Variants in FHIT observed in about 807,000 individuals in gnomAD.
The protein encoded by FHIT is fragile histidine triad diadenosine triphosphatase.
Under a neutral mutation model 17.9 loss-of-function variants are expected in FHIT, and 19 were observed. That is an observed-to-expected ratio of 1.06 (90% CI 0.74 to 1.56). FHIT has a LOEUF of 1.56. FHIT is among the 40% of genes most tolerant of loss of function. The pLI, the probability that FHIT is intolerant of heterozygous loss-of-function variation, is 0.00. For synonymous variants in FHIT, 81 were observed against 69.7 expected (o/e 1.16, Z -0.81); for missense variants, 248 against 189.2 (o/e 1.31, Z -1.82).
intron 5 of FHIT, among the ~76,000 whole-genome samples, chr3:60,178,192 CT>C (rs1156554893): frequency 6.6e-6 from 1 of 152,152 alleles, no homozygotes; most frequent in Non-Finnish European, 1.5e-5. Context: ...TCCCCATGGG[CT>C]TCTTCAGTGC....
intron 3 of FHIT, among the ~76,000 whole-genome samples, chr3:61,038,280 G>A (rs981826648): frequency 2.6e-5 from 4 of 152,094 alleles, no homozygotes; most frequent in East Asian, 1.9e-4. Context: ...AAACATTTAC[G>A]TTAAATCAAA....
intron 1 of FHIT, among the ~76,000 whole-genome samples, chr3:61,220,495 T>C (rs1404261029): frequency 1.3e-5 from 2 of 152,208 alleles, no homozygotes; most frequent in Non-Finnish European, 2.9e-5. Context: ...ATTTTCAGAA[T>C]TTCTGAAACT....
At chr3:60,230,774 G>T (rs1016875119) in intron 5 of FHIT, among the ~76,000 whole-genome samples, 5 of 152,198 alleles carry the variant, frequency 3.3e-5, no homozygotes, top group Non-Finnish European at 7.3e-5. Context: ...GCAGTGGCAT[G>T]ATCTTGGCTG....
At chr3:60,531,217 G>C (rs1243691519) in intron 5 of FHIT, among the ~76,000 whole-genome samples, 3 of 149,934 alleles carry the variant, frequency 2.0e-5, no homozygotes, top group African/African-American at 4.9e-5. Flanking sequence ...TAGCTATAAA[G>C]ATATTAAAAT....
intron 3 of FHIT, among the ~76,000 whole-genome samples, chr3:60,943,828 T>C (rs1303949332): frequency 2.6e-5 from 4 of 152,180 alleles, no homozygotes; most frequent in Non-Finnish European, 5.9e-5. Context: ...CTTATATATA[T>C]AACACAGAAA....
chr3:59,800,005 C>A (rs1028599500), intron 8 of FHIT, among the ~76,000 whole-genome samples: 1 of 152,160 alleles, frequency 6.6e-6, no homozygotes, highest in African/African-American at 2.4e-5. Context: ...TCGACAAGAG[C>A]AGCAGAGGTT....
chr3:60,083,435 C>T (rs543964359), intron 5 of FHIT, among the ~76,000 whole-genome samples: 2 of 152,196 alleles, frequency 1.3e-5, no homozygotes, highest in South Asian at 2.1e-4. Context: ...TTTGGCTACT[C>T]GGGCTCCTTT....
intron 8 of FHIT, among the ~76,000 whole-genome samples, chr3:59,825,191 T>A (rs1700932946): frequency 6.6e-6 from 1 of 152,254 alleles, no homozygotes; most frequent in Non-Finnish European, 1.5e-5. Context: ...ATAATGCTGC[T>A]GTCTTATTGC....
intron 5 of FHIT, among the ~76,000 whole-genome samples, chr3:60,173,073 C>G (rs1272424177): frequency 1.3e-5 from 2 of 152,116 alleles, no homozygotes; most frequent in East Asian, 3.9e-4. Flanking sequence ...ATTACAGCAG[C>G]TGAAATTTGC....
At chr3:60,258,710 A>G (rs557840883) in intron 5 of FHIT, among the ~76,000 whole-genome samples, 1 of 152,286 alleles carries the variant, frequency 6.6e-6, no homozygotes, top group South Asian at 2.1e-4. Context: ...TTCATAGGAA[A>G]ATGAAACCCT....
At chr3:60,709,037 A>G (rs898569764) in intron 4 of FHIT, among the ~76,000 whole-genome samples, 9 of 152,218 alleles carry the variant, frequency 5.9e-5, no homozygotes, top group Non-Finnish European at 2.9e-5. Flanking sequence ...CTAGGTCAGC[A>G]GTTCTCAAAC....
chr3:59,995,314 C>A (rs1268344360), intron 7 of FHIT, among the ~76,000 whole-genome samples: 1 of 152,044 alleles, frequency 6.6e-6, no homozygotes, highest in African/African-American at 2.4e-5. Context: ...ATTCAACTTT[C>A]TTAACTCTAA....
At chr3:59,872,264 A>G (rs1337752396) in intron 8 of FHIT, among the ~76,000 whole-genome samples, 2 of 152,160 alleles carry the variant, frequency 1.3e-5, no homozygotes, top group Admixed American at 6.5e-5. Context: ...ATTAGCAGAT[A>G]AAAGGTGCTG....
chr3:60,598,156 T>C (rs2038330259), intron 4 of FHIT, among the ~76,000 whole-genome samples: 3 of 152,116 alleles, frequency 2.0e-5, no homozygotes, highest in South Asian at 4.1e-4. Context: ...GGAGAGCACA[T>C]AGGCAACTTA....
At chr3:61,085,486 C>T (rs994820131) in intron 2 of FHIT, among the ~76,000 whole-genome samples, 1 of 151,780 alleles carries the variant, frequency 6.6e-6, no homozygotes, top group African/African-American at 2.4e-5. Context: ...TTCTTATTAC[C>T]GACATAAGAA....
At chr3:60,210,736 T>A (rs936664999) in intron 5 of FHIT, among the ~76,000 whole-genome samples, 1 of 152,212 alleles carries the variant, frequency 6.6e-6, no homozygotes, top group South Asian at 2.1e-4. Context: ...AGTCTTAAAG[T>A]TCAACAATAT....
intron 5 of FHIT, among the ~76,000 whole-genome samples, chr3:60,095,266 T>C (rs1703897081): frequency 6.6e-6 from 1 of 152,190 alleles, no homozygotes; most frequent in East Asian, 1.9e-4. Context: ...ATACATTCCA[T>C]TTAACACCCA....
intron 5 of FHIT, among the ~76,000 whole-genome samples, chr3:60,221,737 C>G (rs929485198): frequency 1.3e-5 from 2 of 152,086 alleles, no homozygotes; most frequent in African/African-American, 4.8e-5. Context: ...CTGGAATACC[C>G]TTCCCATAGA....
chr3:60,861,907 G>A (rs1366454547), intron 3 of FHIT, among the ~76,000 whole-genome samples: 4 of 142,472 alleles, frequency 2.8e-5, no homozygotes, highest in Non-Finnish European at 6.0e-5. Context: ...CTGAGATCGC[G>A]CCACTGCACT....
Sources: gnomAD v4.1 joint callset for allele counts (sites outside exome capture counted in the v4.1 genomes callset) on GRCh38, gnomAD v4.1.1 for gene constraint, MANE v1.5 for transcripts, NCBI Gene and HGNC (gene_info 2026-07-23, HGNC 2026-07-21) for gene names.